EPB41: variants seen among roughly 807,000 people sequenced by gnomAD.
EPB41 encodes the protein erythrocyte membrane protein band 4.1, also known as protein 4.1.
In EPB41, 65 loss-of-function variants were observed where a neutral mutation model predicts 108.0. The ratio of observed to expected loss-of-function variants is 0.60; its 90% CI spans 0.49 to 0.74. The LOEUF is 0.74. Ranked by LOEUF, EPB41 falls within the 30% of genes least tolerant of loss-of-function variation. EPB41 has a pLI of 0.00. For synonymous variants in EPB41, 336 were observed against 358.9 expected (o/e 0.94, Z 0.72); for missense variants, 875 against 1,037.0 (o/e 0.84, Z 2.15).
chr1:29,046,422 C>T (rs1226354123), intron 11 of EPB41, among the ~76,000 whole-genome samples: 1 of 152,144 alleles, frequency 6.6e-6, no homozygotes, highest in Non-Finnish European at 1.5e-5. Flanking sequence ...CCACCACACC[C>T]AGCCCTAAAA....
At chr1:28,902,456 T>C in intron 1 of EPB41, 1 of 879,952 alleles carries the variant, frequency 1.1e-6, no homozygotes, top group Non-Finnish European at 1.4e-6. Context: ...CAGAGAGCTG[T>C]GCTAGACACT....
At chr1:29,045,173 A>G (rs1642795462) in intron 11 of EPB41, among the ~76,000 whole-genome samples, 1 of 152,168 alleles carries the variant, frequency 6.6e-6, no homozygotes, top group South Asian at 2.1e-4. Context: ...AGTTGATTAT[A>G]TGGATCAGTT....
intron 11 of EPB41, among the ~76,000 whole-genome samples, chr1:29,051,061 T>C (rs915940191): frequency 6.6e-6 from 1 of 150,910 alleles, no homozygotes; most frequent in South Asian, 2.1e-4. Context: ...GACAGAGTAA[T>C]GAGCATTTCT....
chr1:28,897,456 G>A (rs189952400), intron 1 of EPB41, among the ~76,000 whole-genome samples: 1 of 151,860 alleles, frequency 6.6e-6, no homozygotes, highest in African/African-American at 2.4e-5. Flanking sequence ...GGCTGAGGTG[G>A]GAGGATCCCT....
At chr1:28,970,711 A>G (rs1414902400) in intron 1 of EPB41, among the ~76,000 whole-genome samples, 1 of 152,222 alleles carries the variant, frequency 6.6e-6, no homozygotes, top group African/African-American at 2.4e-5. Context: ...AAGGTCACTT[A>G]CCTTATAGCC....
chr1:28,997,644 C>G (rs2096211320), intron 4 of EPB41, among the ~76,000 whole-genome samples: 1 of 151,950 alleles, frequency 6.6e-6, no homozygotes, highest in Non-Finnish European at 1.5e-5. Context: ...GGTATTGTAT[C>G]TAATGCATAG....
At position 28,914,762 on chromosome 1, in the gene EPB41, G is replaced by GC. The variant is rs1336828355; in HGVS notation, c.-12dup. 1 of 153,074 alleles carries GC rather than the reference G, an allele frequency of 6.5e-6. No individual in the cohort carries two copies. Among genetic ancestry groups the GC allele is most frequent in the Non-Finnish European group, 1.5e-5 (1 of 68,538 alleles). The allele number at this position is 153,074 out of a possible 1,614,324, so 9.5% of individuals were successfully genotyped here. ...GCGGGCGCAGGAGCCCGGCCCCGGA[G>GC]CCACCGGTGAGGCGAGGCGGCGGCG... is the stretch of plus-strand genomic sequence containing the variant. On this transcript the variant is annotated 5_prime_UTR_variant, in exon 1 of 21. Coordinates refer to ENST00000343067, the MANE Select transcript of EPB41 (RefSeq NM_001376013.1).
At chr1:28,887,119 C>G (rs924476719), upstream of EPB41, 1 of 793,504 alleles carries the variant, frequency 1.3e-6, no homozygotes, top group South Asian at 1.4e-5. The surrounding 1 kb of genome is among the most constrained non-coding windows in gnomAD (Gnocchi z 4.9). Context: ...GGTGGAGGCC[C>G]CGGCGGGGCA....
chr1:28,911,000 G>A (rs1490717250), upstream of EPB41: 21 of 985,246 alleles, frequency 2.1e-5, no homozygotes, highest in South Asian at 1.4e-4. Context: ...CCTCAGAGAC[G>A]GTGCTTGGGA....
chr1:28,941,442 G>A (rs1431273227), intron 1 of EPB41, among the ~76,000 whole-genome samples: 1 of 152,136 alleles, frequency 6.6e-6, no homozygotes, highest in Non-Finnish European at 1.5e-5. Flanking sequence ...ATAGTTCTAG[G>A]CAGGTTTTGT....
chr1:28,890,942 G>C, intron 1 of EPB41: 1 of 985,494 alleles, frequency 1.0e-6, no homozygotes, highest in Non-Finnish European at 1.2e-6. Flanking sequence ...AAAGCTCTGA[G>C]CTCTGGGATC....
chr1:28,978,868 C>G (rs748719369), intron 1 of EPB41, among the ~76,000 whole-genome samples: 8 of 151,368 alleles, frequency 5.3e-5, no homozygotes, highest in Non-Finnish European at 8.8e-5. Context: ...GTTATACCAT[C>G]AACTTTTCTG....
chr1:29,029,258 G>A (rs2096759615), intron 7 of EPB41, among the ~76,000 whole-genome samples: 1 of 152,064 alleles, frequency 6.6e-6, no homozygotes, highest in South Asian at 2.1e-4. Flanking sequence ...TTCAATTTCA[G>A]GTTCATTAAT....
intron 1 of EPB41, among the ~76,000 whole-genome samples, chr1:28,918,549 G>A (rs2092849565): frequency 6.6e-6 from 1 of 151,894 alleles, no homozygotes; most frequent in African/African-American, 2.4e-5. Context: ...TCTAAATAAA[G>A]CCCCCAAAGA....
chr1:29,017,396 A>C (rs186240196), intron 6 of EPB41, among the ~76,000 whole-genome samples: 1 of 152,358 alleles, frequency 6.6e-6, no homozygotes, highest in East Asian at 1.9e-4. Context: ...GAACTCAGTC[A>C]GTTAGAACAC....
At chr1:29,046,448 T>G (rs1573014568) in intron 11 of EPB41, among the ~76,000 whole-genome samples, 1 of 152,144 alleles carries the variant, frequency 6.6e-6, no homozygotes, top group South Asian at 2.1e-4. Context: ...ATTATTAATT[T>G]TAATGGTTTA....
intron 2 of EPB41, chr1:28,989,427 G>A (rs1469116382): frequency 8.2e-6 from 8 of 976,064 alleles, no homozygotes; most frequent in East Asian, 1.1e-4. Context: ...TATCTGCATC[G>A]TTAAAAGTGT....
chr1:28,975,940 C>CAAAAAAAAAAAAAAAAAA (rs775554564), intron 1 of EPB41, among the ~76,000 whole-genome samples: 1 of 67,678 alleles, frequency 1.5e-5, no homozygotes, highest in Non-Finnish European at 3.2e-5. Flanking sequence ...GACTCCATCT[C>CAAAAAAAAAAAAAAAAAA]AAAAAAAAAA....
chr1:28,916,561 T>A (rs1433862220), intron 1 of EPB41, among the ~76,000 whole-genome samples: 1 of 152,116 alleles, frequency 6.6e-6, no homozygotes, highest in Non-Finnish European at 1.5e-5. Context: ...CGCTTGAACC[T>A]AGGAGGCGGA....
Sources: allele counts gnomAD v4.1 joint callset (sites outside exome capture counted in the v4.1 genomes callset), GRCh38; gene constraint gnomAD v4.1.1; non-coding constraint Gnocchi (gnomAD v3.1); transcripts MANE v1.5; gene names NCBI Gene and HGNC (gene_info 2026-07-23, HGNC 2026-07-21).